The following CSMD3 variants were observed in gnomAD, a reference collection of about 807,000 sequenced individuals.
CSMD3 encodes the protein CUB and sushi domain-containing protein 3.
Under a neutral mutation model 435.2 loss-of-function variants are expected in CSMD3, and 177 were observed. That is an observed-to-expected ratio of 0.41 (90% CI 0.36 to 0.46). The LOEUF is 0.46. Ranked by LOEUF, CSMD3 falls within the 20% of genes least tolerant of loss-of-function variation. The pLI, the probability that CSMD3 is intolerant of heterozygous loss-of-function variation, is 0.34. For synonymous variants in CSMD3, 1,656 were observed against 1,520.5 expected (o/e 1.09, Z -2.07); for missense variants, 4,265 against 4,504.6 (o/e 0.95, Z 1.52).
chr8:112,534,982 C>G (rs1054890814), intron 27 of CSMD3, among the ~76,000 whole-genome samples: 33 of 151,788 alleles, frequency 2.2e-4, no homozygotes, highest in African/African-American at 3.4e-4. Flanking sequence ...ATTCAACAAC[C>G]CTTCATGCTA....
chr8:112,558,398 A>T (rs760038497), intron 24 of CSMD3, among the ~76,000 whole-genome samples: 18 of 151,902 alleles, frequency 1.2e-4, no homozygotes, highest in Admixed American at 2.0e-4. Context: ...TGGGTTTCCC[A>T]TTCTCAATCT....
chr8:113,195,839 ACCCC>A (rs1554804877), intron 3 of CSMD3, among the ~76,000 whole-genome samples: 1 of 144,562 alleles, frequency 6.9e-6, no homozygotes, highest in Admixed American at 7.0e-5. Flanking sequence ...ACACACACAC[ACCCC>A]CACACACACA....
chr8:112,228,321 G>C (rs1413480924), intron 70 of CSMD3, among the ~76,000 whole-genome samples: 1 of 152,068 alleles, frequency 6.6e-6, no homozygotes, highest in Non-Finnish European at 1.5e-5. Flanking sequence ...TGTCTGCCTG[G>C]GTAAAATCAG....
intron 9 of CSMD3, among the ~76,000 whole-genome samples, chr8:112,942,520 T>C (rs1281201996): frequency 1.3e-5 from 2 of 151,788 alleles, no homozygotes; most frequent in Non-Finnish European, 2.9e-5. Flanking sequence ...TACTGCGAAA[T>C]ACTATGCAGC....
At chr8:112,606,971 T>A (rs1393549830) in intron 22 of CSMD3, among the ~76,000 whole-genome samples, 16 of 12,192 alleles carry the variant, frequency 1.3e-3, no homozygotes, top group South Asian at 2.9e-3. Flanking sequence ...CCTCAAGCTA[T>A]GAAAAAAAAA....
chr8:113,038,898 C>T (rs2087476838), intron 5 of CSMD3, among the ~76,000 whole-genome samples: 1 of 152,062 alleles, frequency 6.6e-6, no homozygotes, highest in Non-Finnish European at 1.5e-5. Context: ...TACTTCATGC[C>T]ATTTTATCTT....
intron 2 of CSMD3, among the ~76,000 whole-genome samples, chr8:113,305,582 A>C (rs1056686038): frequency 2.0e-5 from 3 of 152,170 alleles, no homozygotes; most frequent in Admixed American, 1.3e-4. Flanking sequence ...TAATGGTTTA[A>C]TTTAGTCTAT....
chr8:112,323,177 C>CT (rs1823164944), intron 45 of CSMD3, among the ~76,000 whole-genome samples: 1 of 113,694 alleles, frequency 8.8e-6, no homozygotes, highest in Non-Finnish European at 1.8e-5. Flanking sequence ...ACAAACAAAC[C>CT]TCTTTTCATC....
At chr8:112,343,933 A>G (rs1825429200) in intron 41 of CSMD3, among the ~76,000 whole-genome samples, 1 of 151,904 alleles carries the variant, frequency 6.6e-6, no homozygotes, top group Admixed American at 6.6e-5. Flanking sequence ...CCCAGGCTGG[A>G]GTGCAGTGGC....
intron 4 of CSMD3, among the ~76,000 whole-genome samples, chr8:113,129,935 A>G (rs1279454067): frequency 6.6e-6 from 1 of 151,922 alleles, no homozygotes; most frequent in Non-Finnish European, 1.5e-5. Context: ...TTACTTATAT[A>G]TGCTAATTTT....
chr8:112,469,447 A>C (rs2130734073), intron 32 of CSMD3, among the ~76,000 whole-genome samples: 1 of 152,144 alleles, frequency 6.6e-6, no homozygotes, highest in East Asian at 1.9e-4. Flanking sequence ...CAATGAATGC[A>C]CTGAGTGTAT....
At chr8:112,861,762 T>C (rs1176768283) in intron 10 of CSMD3, among the ~76,000 whole-genome samples, 1 of 151,916 alleles carries the variant, frequency 6.6e-6, no homozygotes, top group African/African-American at 2.4e-5. Context: ...GAGAAATTTA[T>C]AGCAATCACA....
At chr8:112,472,732 A>T (rs756686337) in intron 31 of CSMD3, 25 bp from the exon 32 acceptor site, 1 of 1,303,182 alleles carries the variant, frequency 7.7e-7, no homozygotes. Context: ...CAAAAATATC[A>T]TTTTTAGAAA....
chr8:112,580,848 A>C (rs1310927078), intron 23 of CSMD3, among the ~76,000 whole-genome samples: 1 of 152,090 alleles, frequency 6.6e-6, no homozygotes. Context: ...GACAACTTGA[A>C]GTCTTGATGC....
intron 68 of CSMD3, among the ~76,000 whole-genome samples, chr8:112,232,069 G>A (rs913968609): frequency 2.0e-5 from 3 of 152,166 alleles, no homozygotes; most frequent in Non-Finnish European, 4.4e-5. Flanking sequence ...GGCCTATGGA[G>A]TGTGGGGATT....
intron 28 of CSMD3, among the ~76,000 whole-genome samples, chr8:112,509,906 T>C (rs1822924207): frequency 6.6e-6 from 1 of 152,150 alleles, no homozygotes; most frequent in East Asian, 1.9e-4. Flanking sequence ...ACTGAATATC[T>C]CTCTCTGTAG....
Position 112,918,045 on chromosome 8 carries a change from G to T in CSMD3, c.1633+3582C>A, listed in dbSNP as rs182009398. On this transcript the variant is annotated intron_variant, in intron 10 of 70. Transcript: ENST00000297405. The stretch of plus-strand genomic sequence containing the variant: ...CCTCATCTGAATTTTGCAGAGGCTT[G>T]CACTAACTTGTAAACAAGTCTATTA... Among the ~76,000 whole-genome samples, 705 of 151,958 alleles carry T rather than the reference G, an allele frequency of 4.6e-3. 1 individual carries two copies. The highest frequency in any genetic ancestry group is 7.0e-3 in the Non-Finnish European group (476 of 67,906).
intron 31 of CSMD3, among the ~76,000 whole-genome samples, chr8:112,488,878 C>G (rs1253945234): frequency 6.6e-6 from 1 of 151,860 alleles, no homozygotes; most frequent in Non-Finnish European, 1.5e-5. Context: ...TGGGAGGGGC[C>G]ATCATAGCAA....
chr8:113,242,343 C>A (rs758057900), intron 3 of CSMD3, among the ~76,000 whole-genome samples: 1 of 151,870 alleles, frequency 6.6e-6, no homozygotes. Flanking sequence ...AACTTAGAGA[C>A]TGAGAAGCCA....
Sources: gnomAD v4.1 joint callset for allele counts (sites outside exome capture counted in the v4.1 genomes callset) on GRCh38, gnomAD v4.1.1 for gene constraint, MANE v1.5 for transcripts, NCBI Gene and HGNC (gene_info 2026-07-23, HGNC 2026-07-21) for gene names.